SLC4A4: variants seen among roughly 807,000 people sequenced by gnomAD.
SLC4A4 encodes the protein electrogenic sodium bicarbonate cotransporter 1.
In SLC4A4, 27 loss-of-function variants were observed where a neutral mutation model predicts 111.5. The observed-to-expected ratio is 0.24, with a 90% CI of 0.18 to 0.33. SLC4A4 has a LOEUF of 0.33. Among genes scored for constraint, SLC4A4 ranks in the 10% least tolerant of loss-of-function variants. The probability of loss-of-function intolerance (pLI) is 1.00; values close to 1 mark genes in which losing one functional copy is unlikely to be tolerated. For synonymous variants in SLC4A4, 443 were observed against 463.4 expected (o/e 0.96, Z 0.57); for missense variants, 909 against 1,315.5 (o/e 0.69, Z 4.78).
At chr4:71,213,864 G>A (rs79310526) in intron 1 of SLC4A4, among the ~76,000 whole-genome samples, 4,661 of 152,248 alleles carry the variant, frequency 0.031, 226 homozygotes, top group East Asian at 0.15. Context: ...CACCAGGAAC[G>A]GAATCAGCTA....
At chr4:71,088,506 T>C (rs1742267865) in intron 1 of SLC4A4, among the ~76,000 whole-genome samples, 1 of 152,074 alleles carries the variant, frequency 6.6e-6, no homozygotes, top group African/African-American at 2.4e-5. Flanking sequence ...GCCTTAATGG[T>C]CTTTACAATT....
At chr4:71,382,455 C>G (rs984122208) in intron 6 of SLC4A4, among the ~76,000 whole-genome samples, 1 of 152,196 alleles carries the variant, frequency 6.6e-6, no homozygotes, top group Non-Finnish European at 1.5e-5. Flanking sequence ...TAAGTGAAAA[C>G]TAGCTTTTTC....
chr4:71,560,794 TAAAA>T (rs772521147), intron 23 of SLC4A4, among the ~76,000 whole-genome samples: 5 of 151,752 alleles, frequency 3.3e-5, no homozygotes, highest in Non-Finnish European at 1.5e-5. Flanking sequence ...AGTTCTTCAA[TAAAA>T]AGAAAAGGGA....
intron 3 of SLC4A4, among the ~76,000 whole-genome samples, chr4:71,276,564 CT>C (rs1055421773): frequency 2.7e-3 from 388 of 142,014 alleles, no homozygotes; most frequent in Middle Eastern, 3.7e-3. Flanking sequence ...TGTGAATCTG[CT>C]TTTTTTTTTT....
chr4:71,344,005 A>G lies in SLC4A4; in HGVS notation c.389+4500A>G, dbSNP rs1578879934. ...TACCTGCTTAGTGGTTGTCCTATCT[A>G]TAATTGAAACCTTCCCCCAATGCTT... is the stretch of plus-strand genomic sequence containing the variant. On this transcript the variant is annotated intron_variant, in intron 4 of 25. Coordinates refer to ENST00000264485, the MANE Select transcript of SLC4A4 (RefSeq NM_001098484.3). 5.9e-5 allele frequency among the ~76,000 whole-genome samples: 9 copies of G among 152,222 alleles called. 1 individual carries two copies. The South Asian group carries it at 1.5e-3, about 25-fold the overall frequency.
chr4:71,289,590 A>G (rs950587153), intron 3 of SLC4A4, among the ~76,000 whole-genome samples: 3 of 152,224 alleles, frequency 2.0e-5, no homozygotes, highest in Non-Finnish European at 4.4e-5. Flanking sequence ...TGGAAAAAAA[A>G]CAGTGCAAAT....
chr4:71,522,886 G>A (rs769993066), intron 16 of SLC4A4, among the ~76,000 whole-genome samples: 5 of 152,140 alleles, frequency 3.3e-5, no homozygotes, highest in Non-Finnish European at 7.3e-5. Flanking sequence ...AAAACATAAT[G>A]AGCATTTTAG....
At chr4:71,287,095 A>G (rs1723974337) in intron 3 of SLC4A4, among the ~76,000 whole-genome samples, 1 of 152,124 alleles carries the variant, frequency 6.6e-6, no homozygotes, top group Non-Finnish European at 1.5e-5. Context: ...TAGTCTTCTA[A>G]TTAGATGTCT....
intron 20 of SLC4A4, among the ~76,000 whole-genome samples, chr4:71,549,518 A>G (rs1424436192): frequency 2.6e-5 from 4 of 151,872 alleles, no homozygotes; most frequent in African/African-American, 9.7e-5. Flanking sequence ...AAATGGGCAG[A>G]ATCTTTTCAT....
At chr4:71,443,054 T>C (rs904429037) in intron 8 of SLC4A4, among the ~76,000 whole-genome samples, 4 of 146,820 alleles carry the variant, frequency 2.7e-5, no homozygotes, top group African/African-American at 1.0e-4. Context: ...TTGCTTGCTG[T>C]CATCTTATGT....
intron 3 of SLC4A4, among the ~76,000 whole-genome samples, chr4:71,307,772 G>A (rs910354704): frequency 2.6e-5 from 4 of 152,178 alleles, no homozygotes; most frequent in Non-Finnish European, 5.9e-5. Context: ...GTTGCCTACC[G>A]TGAATTATAG....
chr4:71,190,385 T>TACACAC lies in SLC4A4; in HGVS notation c.-2+3024_-2+3029dup, dbSNP rs5859253. 8.7e-3 allele frequency among the ~76,000 whole-genome samples: 1,252 copies of TACACAC among 143,738 alleles called. 13 individuals carry two copies. The highest frequency in any genetic ancestry group is 0.028 in the African/African-American group (1,098 of 39,220). 94.3% of individuals were successfully genotyped at this position (143,738 alleles called of 152,430 possible). On this transcript the variant is annotated intron_variant, in intron 1 of 25. Coordinates refer to ENST00000264485, the MANE Select transcript of SLC4A4 (RefSeq NM_001098484.3). Reference sequence around the variant, plus strand: ...TTACTCAGTTCTGTCTATGTATGTTTACACACACACACACACACACACACA... The same window carrying TACACAC: ...TTACTCAGTTCTGTCTATGTATGTTTACACACACACACACACACACACACACACACA...
chr4:71,079,868 C>G (rs1741946081), intron 1 of SLC4A4, among the ~76,000 whole-genome samples: 1 of 150,750 alleles, frequency 6.6e-6, no homozygotes, highest in East Asian at 1.9e-4. Flanking sequence ...TGGAGACAGA[C>G]TCCCCTGTGA....
intron 18 of SLC4A4, among the ~76,000 whole-genome samples, chr4:71,535,732 A>C (rs1410215859): frequency 6.6e-6 from 1 of 152,080 alleles, no homozygotes; most frequent in African/African-American, 2.4e-5. Context: ...ACTGTCCTGG[A>C]GGTCGGCATA....
chr4:71,530,993 T>G (rs1262640034), intron 16 of SLC4A4, among the ~76,000 whole-genome samples: 3 of 152,108 alleles, frequency 2.0e-5, no homozygotes, highest in African/African-American at 7.2e-5. Flanking sequence ...GCTATGAGCT[T>G]CATGAGGACA....
At chr4:71,423,746 T>A (rs568386794) in intron 7 of SLC4A4, among the ~76,000 whole-genome samples, 90 of 152,314 alleles carry the variant, frequency 5.9e-4, no homozygotes, top group South Asian at 1.4e-3. Context: ...GGGGAAAGGA[T>A]TCCCTATTTA....
At chr4:71,307,598 T>C (rs776837027) in intron 3 of SLC4A4, among the ~76,000 whole-genome samples, 8 of 152,212 alleles carry the variant, frequency 5.3e-5, no homozygotes, top group Non-Finnish European at 8.8e-5. Context: ...CATCATTGAT[T>C]GGGTTATGGC....
At chr4:71,445,487 A>G (rs1725143440) in intron 8 of SLC4A4, among the ~76,000 whole-genome samples, 1 of 152,194 alleles carries the variant, frequency 6.6e-6, no homozygotes, top group Admixed American at 6.5e-5. Flanking sequence ...GAGTGTTTGG[A>G]AAAGTTTTGG....
chr4:71,275,471 T>C (rs1358009777), intron 3 of SLC4A4, among the ~76,000 whole-genome samples: 1 of 152,214 alleles, frequency 6.6e-6, no homozygotes, highest in Non-Finnish European at 1.5e-5. Context: ...CCTTAAAATA[T>C]TGGTGACAGG....
Sources: allele counts gnomAD v4.1 joint callset (sites outside exome capture counted in the v4.1 genomes callset), GRCh38; gene constraint gnomAD v4.1.1; transcripts MANE v1.5; gene names NCBI Gene and HGNC (gene_info 2026-07-23, HGNC 2026-07-21).